Variants in NR3C2 observed in about 807,000 individuals in gnomAD.
NR3C2 encodes nuclear receptor subfamily 3 group C member 2.
Under a neutral mutation model 86.4 loss-of-function variants are expected in NR3C2, and 15 were observed. The ratio of observed to expected loss-of-function variants is 0.17; its 90% CI spans 0.12 to 0.27. The LOEUF is 0.27. NR3C2 is among the 10% of genes least tolerant of loss of function. The pLI, the probability that NR3C2 is intolerant of heterozygous loss-of-function variation, is 1.00. For missense variants in NR3C2, 960 were observed against 1,195.6 expected, an observed-to-expected ratio of 0.80 and a Z score of 2.91; for synonymous variants, 458 against 450.5, an observed-to-expected ratio of 1.02 and a Z score of -0.21.
rs1287604535 is a variant in NR3C2, at chr4:148,298,137, G to T, written c.1758-38020C>A. On this transcript the variant is annotated intron_variant, in intron 2 of 8. Coordinates refer to ENST00000358102, the MANE Select transcript of NR3C2 (RefSeq NM_000901.5). ...AAACATTTTATTACATTTTCAGAAA[G>T]ACTTGTGGTAGCATTCAAAGAAGCA... is the stretch of plus-strand genomic sequence containing the variant. Among the ~76,000 whole-genome samples, 8 of 152,212 alleles carry T rather than the reference G, an allele frequency of 5.3e-5. No homozygotes were observed. In the East Asian group the frequency reaches 1.5e-3, roughly 29 times the overall value.
At chr4:148,249,564 A>G (rs1248404122) in intron 3 of NR3C2, among the ~76,000 whole-genome samples, 2 of 152,316 alleles carry the variant, frequency 1.3e-5, no homozygotes, top group East Asian at 3.9e-4. Context: ...ACATTTTTAT[A>G]AAGATGCATT....
Position 148,251,926 on chromosome 4 carries a change from G to A in NR3C2, c.1897+8052C>T, listed in dbSNP as rs183136699. Among the ~76,000 whole-genome samples, 4 of 152,178 alleles carry A rather than the reference G, an allele frequency of 2.6e-5. No individual in the cohort carries two copies. In the East Asian group the frequency reaches 7.7e-4, roughly 29 times the overall value. On this transcript the variant is annotated intron_variant, in intron 3 of 8. Coordinates refer to ENST00000358102, the MANE Select transcript of NR3C2 (RefSeq NM_000901.5). ...AGCCAGAGTTGTTGCCCTACTTTTTGATGGGTAAAAATAGTTGGTATCTGA... is the reference window on the plus strand; with the variant it reads ...AGCCAGAGTTGTTGCCCTACTTTTTAATGGGTAAAAATAGTTGGTATCTGA...
intron 4 of NR3C2, among the ~76,000 whole-genome samples, chr4:148,194,336 C>A (rs987668872): frequency 2.0e-5 from 3 of 152,132 alleles, no homozygotes; most frequent in Non-Finnish European, 4.4e-5. Flanking sequence ...TCATATATAT[C>A]TTTCTTTATT....
At chr4:148,342,649 A>G (rs1744802940) in intron 2 of NR3C2, among the ~76,000 whole-genome samples, 1 of 152,118 alleles carries the variant, frequency 6.6e-6, no homozygotes, top group Non-Finnish European at 1.5e-5. Flanking sequence ...ATTTTTTTAA[A>G]CTGCTATTAG....
intron 2 of NR3C2, among the ~76,000 whole-genome samples, chr4:148,305,141 G>A (rs1742550122): frequency 6.6e-6 from 1 of 151,960 alleles, no homozygotes; most frequent in South Asian, 2.1e-4. Context: ...TGGTTTTACT[G>A]GAATAACAAA....
intron 2 of NR3C2, among the ~76,000 whole-genome samples, chr4:148,328,163 G>C (rs72656811): frequency 6.6e-6 from 1 of 152,186 alleles, no homozygotes; most frequent in Non-Finnish European, 1.5e-5. Flanking sequence ...GGCAGCAGCC[G>C]TGGGAGGAAT....
chr4:148,080,857 CTG>C lies in NR3C2; in HGVS notation c.*485_*486del, dbSNP rs1730514368. 9 of 347,246 alleles carry C rather than the reference CTG, an allele frequency of 2.6e-5. No individual in the cohort carries two copies. The highest frequency in any genetic ancestry group is 7.0e-5 in the African/African-American group (3 of 42,784). 21.5% of individuals were successfully genotyped at this position (347,246 alleles called of 1,614,324 possible). On this transcript the variant is annotated 3_prime_UTR_variant, in exon 9 of 9. Transcript: ENST00000358102. ...AGTTCTGTTATTACACAACAGGAAT[CTG>C]TATATATTTTTTTATTATTTTTTTG...
At chr4:148,406,790 T>C (rs1002961305) in intron 2 of NR3C2, among the ~76,000 whole-genome samples, 1 of 152,196 alleles carries the variant, frequency 6.6e-6, no homozygotes, top group Admixed American at 6.5e-5. Context: ...CTGTCCAAGA[T>C]AATTATTAAG....
chr4:148,093,080 A>T (rs1043553335), intron 8 of NR3C2, among the ~76,000 whole-genome samples: 2 of 152,218 alleles, frequency 1.3e-5, no homozygotes, highest in African/African-American at 4.8e-5. Flanking sequence ...TCTGTACAGA[A>T]TTCATCTGCT....
intron 8 of NR3C2, 106 bp downstream of exon 8, chr4:148,113,998 G>A (rs1732160218): frequency 7.5e-7 from 1 of 1,331,742 alleles, no homozygotes; most frequent in African/African-American, 1.4e-5. Flanking sequence ...GTCAACAGAG[G>A]TCTAGCATGA....
chr4:148,279,948 C>T lies in NR3C2; in HGVS notation c.1758-19831G>A, dbSNP rs72655272. On this transcript the variant is annotated intron_variant, in intron 2 of 8. Coordinates refer to ENST00000358102, the MANE Select transcript of NR3C2 (RefSeq NM_000901.5). ...CCATGTTGGCCAGGCTGGTCTTGAA[C>T]TCCTGACCTCAGGTGATGCACCTGC... 6.5e-3 allele frequency among the ~76,000 whole-genome samples: 996 copies of T among 152,290 alleles called. 11 individuals carry two copies. Among genetic ancestry groups the T allele is most frequent in the African/African-American group, 0.023 (948 of 41,556 alleles).
chr4:148,202,882 G>A (rs1736799585), intron 3 of NR3C2, among the ~76,000 whole-genome samples: 1 of 152,136 alleles, frequency 6.6e-6, no homozygotes, highest in Non-Finnish European at 1.5e-5. Context: ...GTCATTATGG[G>A]AATCCAAATG....
chr4:148,249,459 T>C (rs1469561928), intron 3 of NR3C2, among the ~76,000 whole-genome samples: 1 of 152,236 alleles, frequency 6.6e-6, no homozygotes, highest in Non-Finnish European at 1.5e-5. Flanking sequence ...TTGCTATAAG[T>C]GACCTTTCAA....
At chr4:148,222,466 T>C (rs2149828895) in intron 3 of NR3C2, among the ~76,000 whole-genome samples, 1 of 152,308 alleles carries the variant, frequency 6.6e-6, no homozygotes, top group Middle Eastern at 3.4e-3. Flanking sequence ...ATGAAAAATT[T>C]GTACTTTCTT....
chr4:148,108,265 G>A (rs1332497880), intron 8 of NR3C2, among the ~76,000 whole-genome samples: 2 of 151,872 alleles, frequency 1.3e-5, no homozygotes, highest in Non-Finnish European at 2.9e-5. Context: ...CACCACACCC[G>A]GCTAATTTTG....
rs979119955 is a variant in NR3C2, at chr4:148,384,474, TG to T, written c.1757+50629del. Among the ~76,000 whole-genome samples, 10 of 142,398 alleles carry T rather than the reference TG, an allele frequency of 7.0e-5. No individual in the cohort carries two copies. In the East Asian group the frequency reaches 1.8e-3, roughly 25 times the overall value. The allele number at this position is 142,398 out of a possible 152,430, so 93.4% of individuals were successfully genotyped here. On this transcript the variant is annotated intron_variant, in intron 2 of 8. Transcript: ENST00000358102. Reference sequence around the variant, plus strand: ...ATATTACAATCCACAAATAAGAATTTGTTTTTTTTCAAATTGTACACATAAA... The same window carrying T: ...ATATTACAATCCACAAATAAGAATTTTTTTTTTTCAAATTGTACACATAAA...
At chr4:148,314,362 G>T (rs1455539594) in intron 2 of NR3C2, among the ~76,000 whole-genome samples, 1 of 152,004 alleles carries the variant, frequency 6.6e-6, no homozygotes, top group Admixed American at 6.6e-5. Context: ...ATATAACTAT[G>T]CTTAAAATAT....
intron 2 of NR3C2, among the ~76,000 whole-genome samples, chr4:148,378,162 G>A (rs910042389): frequency 6.6e-6 from 1 of 152,106 alleles, no homozygotes; most frequent in Non-Finnish European, 1.5e-5. Context: ...TGGTTGCTGG[G>A]GGCTGGCGGG....
intron 2 of NR3C2, among the ~76,000 whole-genome samples, chr4:148,350,483 A>G (rs963154301): frequency 6.6e-6 from 1 of 152,234 alleles, no homozygotes; most frequent in African/African-American, 2.4e-5. Flanking sequence ...CATTTTAGAA[A>G]TATCTCTAAA....
Sources: allele counts gnomAD v4.1 joint callset (sites outside exome capture counted in the v4.1 genomes callset), GRCh38; gene constraint gnomAD v4.1.1; transcripts MANE v1.5; gene names NCBI Gene and HGNC (gene_info 2026-07-23, HGNC 2026-07-21).